Variants in KDM5B observed in about 807,000 individuals in gnomAD.
KDM5B encodes lysine-specific demethylase 5B.
In KDM5B, 144 loss-of-function variants were observed where a neutral mutation model predicts 193.4. The ratio of observed to expected loss-of-function variants is 0.74; its 90% CI spans 0.65 to 0.86. The LOEUF (loss-of-function observed/expected upper bound fraction) is 0.86. KDM5B is among the 40% of genes least tolerant of loss of function. The pLI is 0.00. For missense variants in KDM5B, 1,833 were observed against 1,886.9 expected, an observed-to-expected ratio of 0.97 and a Z score of 0.53; for synonymous variants, 668 against 682.6, an observed-to-expected ratio of 0.98 and a Z score of 0.33.
At chr1:202,775,283 A>G (rs61820984) in intron 2 of KDM5B, among the ~76,000 whole-genome samples, 6,430 of 151,990 alleles carry the variant, frequency 0.042, 343 homozygotes, top group East Asian at 0.24. Context: ...CATGGCTGTA[A>G]TCCCAGCACT....
At chr1:202,794,722 C>T (rs2362916) in intron 1 of KDM5B, among the ~76,000 whole-genome samples, 12,553 of 152,216 alleles carry the variant, frequency 0.082, 636 homozygotes, top group African/African-American at 0.13. Context: ...AGAAATGTAG[C>T]ATATGGTAGT....
chr1:202,774,963 C>T (rs533981407), intron 2 of KDM5B, among the ~76,000 whole-genome samples: 11 of 152,064 alleles, frequency 7.2e-5, no homozygotes, highest in Non-Finnish European at 1.3e-4. Context: ...CATGGCCGGC[C>T]GGGCACGGTG....
chr1:202,733,355 G>T (rs962138860), intron 23 of KDM5B, 46 bp downstream of exon 23: 1 of 1,588,374 alleles, frequency 6.3e-7, no homozygotes, highest in Non-Finnish European at 8.6e-7. Context: ...GAAAGGTACA[G>T]AGCTTTGCAA....
Position 202,750,858 on chromosome 1 carries a change from T to C in KDM5B, c.1702-80A>G, listed in dbSNP as rs1655761698. 7 of 1,416,590 alleles carry C rather than the reference T, an allele frequency of 4.9e-6. No homozygotes were observed. In the East Asian group the frequency reaches 1.2e-4, roughly 23 times the overall value. 87.8% of individuals were successfully genotyped at this position (1,416,590 alleles called of 1,614,324 possible). On this transcript the variant is annotated intron_variant, in intron 12 of 26. Transcript: ENST00000367265. Reference sequence around the variant, plus strand: ...TAAAGACAATCTGGACACAGTCTATTAGATAATTTTCAAAAAAAGGCAGCT... The same window carrying C: ...TAAAGACAATCTGGACACAGTCTATCAGATAATTTTCAAAAAAAGGCAGCT...
At chr1:202,783,429 C>T (rs1478751959) in intron 1 of KDM5B, among the ~76,000 whole-genome samples, 1 of 151,762 alleles carries the variant, frequency 6.6e-6, no homozygotes, top group Admixed American at 6.6e-5. Flanking sequence ...TAATTGAATC[C>T]AGGAGGTCAA....
intron 5 of KDM5B, chr1:202,766,404 G>A (rs1322964243): frequency 2.7e-6 from 1 of 371,564 alleles, no homozygotes. Flanking sequence ...TACTTGGGAG[G>A]CTGAGGCAGA....
chr1:202,738,299 T>A (rs549636932), intron 20 of KDM5B, among the ~76,000 whole-genome samples: 1 of 152,318 alleles, frequency 6.6e-6, no homozygotes, highest in East Asian at 1.9e-4. Flanking sequence ...TGTCAGCCTC[T>A]CCTTACTGCC....
chr1:202,804,437 G>A (rs935544481), intron 1 of KDM5B, among the ~76,000 whole-genome samples: 2 of 152,090 alleles, frequency 1.3e-5, no homozygotes, highest in African/African-American at 4.8e-5. Flanking sequence ...CCCCAAATTA[G>A]GGAGAATGAT....
chr1:202,776,903 A>G, intron 2 of KDM5B, 114 bp downstream of exon 2: 1 of 767,642 alleles, frequency 1.3e-6, no homozygotes, highest in East Asian at 2.5e-5. Context: ...GCTCAAATAC[A>G]AATCTAAAAA....
chr1:202,733,056 A>C (rs1654945246), intron 23 of KDM5B, among the ~76,000 whole-genome samples: 1 of 152,230 alleles, frequency 6.6e-6, no homozygotes, highest in African/African-American at 2.4e-5. Context: ...GCAGGGTAAA[A>C]AACTTTTTAG....
chr1:202,741,028 G>A (rs781001396), intron 19 of KDM5B, among the ~76,000 whole-genome samples: 6 of 152,206 alleles, frequency 3.9e-5, no homozygotes, highest in East Asian at 1.9e-4. Flanking sequence ...CCTTGGAACC[G>A]TATTAACTGT....
At position 202,755,273 on chromosome 1, in the gene KDM5B, G is replaced by A; in HGVS notation, c.1536C>T (p.His512=). 6.2e-7 allele frequency: 1 copy of A among 1,613,394 alleles called. No homozygotes were observed. Among genetic ancestry groups the A allele is most frequent in the Non-Finnish European group, 8.5e-7 (1 of 1,179,348 alleles). ...DHWSYSINYL[H]WGEPKTWYGV... ...GGGTTCTTTTTGGAACTTCTCACCA[G>A]TGCAAGTAGTTAATTGAATAGCTCC... is the stretch of plus-strand genomic sequence containing the variant. Residue 512 remains histidine, a splice_region_variant and synonymous_variant, in exon 11 of 27, where the codon CAC becomes CAT. Transcript: ENST00000367265.
Position 202,729,127 on chromosome 1 carries a change from T to G in KDM5B, c.4544A>C (p.Gln1515Pro). ...CTCTGGGGAGACACCAACACAGACC[T>G]GATGAAACCACTGATTGCAGCTGCC... is the stretch of plus-strand genomic sequence containing the variant. The part of the protein sequence containing the change: ...CDGSCNQWFH[Q>P]VCVGVSPEMA... Residue 1515 changes from glutamine to proline, a missense_variant, in exon 27 of 27, where the codon CAG becomes CCG. Coordinates refer to ENST00000367265, the MANE Select transcript of KDM5B (RefSeq NM_006618.5). 1.2e-6 allele frequency: 2 copies of G among 1,614,146 alleles called. No homozygotes were observed. Among genetic ancestry groups the G allele is most frequent in the Non-Finnish European group, 1.7e-6 (2 of 1,179,974 alleles).
In KDM5B at chr1:202,729,054, G is replaced by A. The variant is rs759775190; in HGVS notation, c.4617C>T (p.Asp1539=). 3.8e-5 allele frequency: 62 copies of A among 1,613,894 alleles called. No homozygotes were observed. Among genetic ancestry groups the A allele is most frequent in the Admixed American group, 2.7e-4 (16 of 59,966 alleles). ...DYICVRCTVK[D]APSRK ...TGTGTTTTTACTTTCGGCTTGGTGCGTCCTTCACAGTACAGCGCACACAGA... is the reference window on the plus strand; with the variant it reads ...TGTGTTTTTACTTTCGGCTTGGTGCATCCTTCACAGTACAGCGCACACAGA... Residue 1539 remains aspartate (D), a synonymous_variant, in exon 27 of 27, where the codon GAC becomes GAT. Coordinates refer to ENST00000367265, the MANE Select transcript of KDM5B (RefSeq NM_006618.5).
chr1:202,808,135 C>T lies in KDM5B; in HGVS notation c.171G>A (p.Glu57=), dbSNP rs769059385. ...AFIHKIRPIA[E]QTGICKVRPP... Reference sequence around the variant, plus strand: ...GCCGCACCTTACAGATGCCAGTCTGCTCGGCTATGGGCCGGATCTTGTGGA... The same window carrying T: ...GCCGCACCTTACAGATGCCAGTCTGTTCGGCTATGGGCCGGATCTTGTGGA... The change falls in exon 1 of 27, where the codon GAG becomes GAA. Residue 57 remains glutamate, a synonymous_variant. Coordinates refer to ENST00000367265, the MANE Select transcript of KDM5B (RefSeq NM_006618.5). 1.9e-6 allele frequency: 3 copies of T among 1,612,602 alleles called. No individual in the cohort carries two copies. The highest frequency in any genetic ancestry group is 1.7e-5 in the Admixed American group (1 of 59,988).
chr1:202,767,096 T>C (rs772974864), intron 4 of KDM5B, 36 bp from the exon 5 acceptor site: 2 of 1,592,090 alleles, frequency 1.3e-6, no homozygotes, highest in Non-Finnish European at 1.7e-6. Context: ...ATTCCCTCCT[T>C]TTTTTTTTCA....
chr1:202,732,003 A>C, intron 23 of KDM5B, 64 bp from the exon 24 acceptor site: 1 of 1,065,564 alleles, frequency 9.4e-7, no homozygotes. Flanking sequence ...CCATTAGTCC[A>C]ATGACAGTAG....
intron 22 of KDM5B, among the ~76,000 whole-genome samples, chr1:202,735,087 T>C (rs1210341540): frequency 6.6e-6 from 1 of 152,242 alleles, no homozygotes; most frequent in Admixed American, 6.5e-5. Context: ...ATGTACTTCT[T>C]AACTATAAAC....
intron 1 of KDM5B, chr1:202,806,784 G>A (rs1044120929): frequency 6.6e-6 from 1 of 152,150 alleles, no homozygotes; most frequent in African/African-American, 2.4e-5. Context: ...AAGGGAGAAA[G>A]GGGTGGGAAG....
Sources: allele counts gnomAD v4.1 joint callset (sites outside exome capture counted in the v4.1 genomes callset), GRCh38; gene constraint gnomAD v4.1.1; transcripts MANE v1.5; gene names NCBI Gene and HGNC (gene_info 2026-07-23, HGNC 2026-07-21).